The following ABCA3 variants were observed in gnomAD, a reference collection of about 807,000 sequenced individuals.
ABCA3 encodes the protein ATP binding cassette subfamily A member 3.
A neutral mutation model predicts 172.8 loss-of-function variants in ABCA3; 88 were observed. That is an observed-to-expected ratio of 0.51 (90% confidence interval 0.43 to 0.61). ABCA3 has a LOEUF of 0.61. Ranked by LOEUF, ABCA3 falls within the 20% of genes least tolerant of loss-of-function variation. The probability of loss-of-function intolerance (pLI) is 0.00; values close to 1 mark genes in which losing one functional copy is unlikely to be tolerated. For synonymous variants in ABCA3, 1,066 were observed against 983.8 expected, an observed-to-expected ratio of 1.08 and a Z score of -1.56; for missense variants, 2,164 against 2,301.0, an observed-to-expected ratio of 0.94 and a Z score of 1.22.
chr16:2,323,417 A>G (rs2141736982), intron 7 of ABCA3, 106 bp downstream of exon 7: 1 of 1,461,432 alleles, frequency 6.8e-7, no homozygotes, highest in Middle Eastern at 2.4e-4. Context: ...AATGTCCTGA[A>G]AAGTATTTCT....
chr16:2,298,257 A>C, intron 15 of ABCA3, 129 bp downstream of exon 15: 1 of 1,450,974 alleles, frequency 6.9e-7, no homozygotes, highest in Non-Finnish European at 9.5e-7. Context: ...TCCTTGACGT[A>C]GCTGGACTCA....
intron 18 of ABCA3, among the ~76,000 whole-genome samples, chr16:2,294,711 G>A (rs149756587): frequency 6.4e-4 from 97 of 152,146 alleles, no homozygotes; most frequent in Non-Finnish European, 1.3e-3. Context: ...GGCCAGGCAT[G>A]GTGGCTCATG....
chr16:2,328,599 G>A lies in ABCA3; in HGVS notation c.-173C>T, dbSNP rs774331733. On this transcript the variant is annotated 5_prime_UTR_variant, in exon 3 of 33. Coordinates refer to ENST00000301732, the MANE Select transcript of ABCA3 (RefSeq NM_001089.3). ...GTCCTGGAGAGGCAGGGAAGGCGAT[G>A]GAGGAGGGGCAGTCTAGAGAGCCCC... 9.8e-6 allele frequency: 5 copies of A among 512,798 alleles called. No individual in the cohort carries two copies. The highest frequency in any genetic ancestry group is 1.6e-5 in the Non-Finnish European group (4 of 257,256). 31.8% of individuals were successfully genotyped at this position (512,798 alleles called of 1,614,324 possible). A position where few individuals can be genotyped will look rare whatever the true frequency, so the allele number is the denominator to read the frequency against.
chr16:2,280,930 A>G, intron 28 of ABCA3, 97 bp downstream of exon 28: 1 of 1,496,196 alleles, frequency 6.7e-7, no homozygotes, highest in Non-Finnish European at 9.3e-7. Flanking sequence ...CAGATGCAGC[A>G]GCTGTTTGGG....
Position 2,281,304 on chromosome 16 carries a change from C to A in ABCA3, c.4164+77G>T. The stretch of plus-strand genomic sequence containing the variant: ...TCTGAGCCTCAGCGCCGAAAGCTTC[C>A]AGGGATGGGGTCGGACCCTGGGGAC... On this transcript the variant is annotated intron_variant, in intron 27 of 32. Coordinates refer to ENST00000301732, the MANE Select transcript of ABCA3 (RefSeq NM_001089.3). This position sits in a 1 kb window ranked among gnomAD's most constrained non-coding sequence, Gnocchi z 4.7. The A allele has an allele frequency of 6.2e-7, 1 of 1,613,196 alleles. No homozygotes were observed. Among genetic ancestry groups the A allele is most frequent in the Non-Finnish European group, 8.5e-7 (1 of 1,179,864 alleles).
chr16:2,331,807 A>G (rs1325370435), intron 1 of ABCA3, among the ~76,000 whole-genome samples: 1 of 152,200 alleles, frequency 6.6e-6, no homozygotes, highest in Non-Finnish European at 1.5e-5. Context: ...TTAAACACTC[A>G]GGACTCCAGC....
intron 28 of ABCA3, 117 bp downstream of exon 28, chr16:2,280,910 T>C: frequency 7.2e-7 from 1 of 1,393,844 alleles, no homozygotes; most frequent in East Asian, 2.4e-5. Context: ...GCTGGGCCCA[T>C]TTCAAGCCAC....
At chr16:2,318,871 T>A (rs1447484460) in intron 8 of ABCA3, among the ~76,000 whole-genome samples, 1 of 152,078 alleles carries the variant, frequency 6.6e-6, no homozygotes, top group Non-Finnish European at 1.5e-5. Context: ...AGCACAATGG[T>A]CTCTCACATT....
intron 14 of ABCA3, 138 bp from the exon 15 acceptor site, chr16:2,298,678 T>G: frequency 9.7e-7 from 1 of 1,033,422 alleles, no homozygotes; most frequent in Non-Finnish European, 1.4e-6. Flanking sequence ...GGAACCCCAC[T>G]CCCACTGGGG....
At chr16:2,303,434 T>C (rs1459362078) in intron 12 of ABCA3, among the ~76,000 whole-genome samples, 3 of 151,814 alleles carry the variant, frequency 2.0e-5, no homozygotes, top group African/African-American at 7.3e-5. Flanking sequence ...GCTAGTTTTT[T>C]TTTTATTTTT....
chr16:2,287,185 G>C lies in ABCA3; in HGVS notation c.3005-218C>G, dbSNP rs1351526364. On this transcript the variant is annotated intron_variant, in intron 21 of 32. Transcript: ENST00000301732. This position sits in a 1 kb window ranked among gnomAD's most constrained non-coding sequence, Gnocchi z 4.1. ...TGAATGCCAGTCAGGAACCGGGAAA[G>C]GAGCTGCAAAATAAGAAAACCTTCC... Among the ~76,000 whole-genome samples, 1 of 152,314 alleles carries C rather than the reference G, an allele frequency of 6.6e-6. No homozygotes were observed. Among genetic ancestry groups the C allele is most frequent in the African/African-American group, 2.4e-5 (1 of 41,564 alleles).
chr16:2,289,147 G>A (rs776746536), intron 20 of ABCA3: 63 of 470,234 alleles, frequency 1.3e-4, no homozygotes, highest in Non-Finnish European at 2.0e-4. Context: ...CCTCCGTGTC[G>A]TTGGCTGCTA....
In ABCA3 at chr16:2,283,493, G is replaced by A. The variant is rs1292347291; in HGVS notation, c.3863-135C>T. 3 of 1,019,522 alleles carry A rather than the reference G, an allele frequency of 2.9e-6. No individual in the cohort carries two copies. The highest frequency in any genetic ancestry group is 3.2e-5 in the African/African-American group (2 of 61,596). The allele number at this position is 1,019,522 out of a possible 1,614,324, so 63.2% of individuals were successfully genotyped here. A position where few individuals can be genotyped will look rare whatever the true frequency, so the allele number is the denominator to read the frequency against. On this transcript the variant is annotated intron_variant, in intron 25 of 32. Coordinates refer to ENST00000301732, the MANE Select transcript of ABCA3 (RefSeq NM_001089.3). The surrounding 1 kb of genome is among the most constrained non-coding windows in gnomAD (Gnocchi z 5.4). ...GTCCCCTCCATGGGGAGATGTGAAG[G>A]CCAGTAGGTCACAGCTGCCTCTCGA...
intron 11 of ABCA3, among the ~76,000 whole-genome samples, chr16:2,305,209 C>G (rs962035801): frequency 6.6e-6 from 1 of 152,228 alleles, no homozygotes; most frequent in Non-Finnish European, 1.5e-5. Context: ...TCTTGGCCCA[C>G]TGCAACCTCT....
In ABCA3 at chr16:2,329,569, C is replaced by T. The variant is rs1185005064; in HGVS notation, c.-332+79G>A. On this transcript the variant is annotated intron_variant, in intron 2 of 32. Coordinates refer to ENST00000301732, the MANE Select transcript of ABCA3 (RefSeq NM_001089.3). Reference sequence around the variant, plus strand: ...ATGCTTAATCTTGTCCTCTCCAGTCCCAGGGCTGGGAGAGAAGGTCAGAAA... The same window carrying T: ...ATGCTTAATCTTGTCCTCTCCAGTCTCAGGGCTGGGAGAGAAGGTCAGAAA... 5 of 152,322 alleles carry T rather than the reference C, an allele frequency of 3.3e-5. No homozygotes were observed. In the East Asian group the frequency reaches 9.6e-4, roughly 29 times the overall value. The allele number at this position is 152,322 out of a possible 1,614,324, so 9.4% of individuals were successfully genotyped here. A position where few individuals can be genotyped will look rare whatever the true frequency, so the allele number is the denominator to read the frequency against.
intron 28 of ABCA3, among the ~76,000 whole-genome samples, chr16:2,280,231 A>G (rs965136700): frequency 6.6e-6 from 1 of 152,232 alleles, no homozygotes; most frequent in Non-Finnish European, 1.5e-5. Context: ...TTTCAATTGC[A>G]TAATTTATTT....
chr16:2,338,801 C>A (rs941540690), intron 1 of ABCA3, among the ~76,000 whole-genome samples: 3 of 141,588 alleles, frequency 2.1e-5, no homozygotes, highest in Non-Finnish European at 4.5e-5. Flanking sequence ...GTCGCCCAGG[C>A]TGGAGGGCAG....
At chr16:2,318,495 C>A (rs1353546731) in intron 8 of ABCA3, among the ~76,000 whole-genome samples, 2 of 151,806 alleles carry the variant, frequency 1.3e-5, no homozygotes, top group Admixed American at 6.6e-5. Context: ...CTCCTCATTT[C>A]TTTTTCTTTC....
chr16:2,321,778 C>T (rs991912970), intron 7 of ABCA3, among the ~76,000 whole-genome samples: 6 of 152,098 alleles, frequency 3.9e-5, no homozygotes, highest in African/African-American at 7.2e-5. Flanking sequence ...ACACTGATTC[C>T]GTCAAACCAT....
Sources: allele counts gnomAD v4.1 joint callset (sites outside exome capture counted in the v4.1 genomes callset), GRCh38; gene constraint gnomAD v4.1.1; non-coding constraint Gnocchi (gnomAD v3.1); transcripts MANE v1.5; gene names NCBI Gene and HGNC (gene_info 2026-07-23, HGNC 2026-07-21).